Variants in SLC8A1 observed in about 807,000 individuals in gnomAD.
SLC8A1 encodes solute carrier family 8 member A1, also known as sodium/calcium exchanger 1.
SLC8A1 carries 18 observed loss-of-function variants against 68.3 expected under a neutral mutation model. That is an observed-to-expected ratio of 0.26 (90% confidence interval 0.18 to 0.39). The LOEUF is 0.39. Ranked by LOEUF, SLC8A1 falls within the 10% of genes least tolerant of loss-of-function variation. The pLI is 1.00. For synonymous variants in SLC8A1, 475 were observed against 415.5 expected (o/e 1.14, Z -1.74); for missense variants, 985 against 1,156.7 (o/e 0.85, Z 2.15).
chr2:40,203,711 GTTATT>G (rs1274875856), intron 2 of SLC8A1, among the ~76,000 whole-genome samples: 1 of 151,850 alleles, frequency 6.6e-6, no homozygotes, highest in Non-Finnish European at 1.5e-5. Flanking sequence ...TATGGTGAGG[GTTATT>G]TTATTTTGAG....
At chr2:40,223,188 A>T (rs990993196) in intron 2 of SLC8A1, among the ~76,000 whole-genome samples, 1 of 152,212 alleles carries the variant, frequency 6.6e-6, no homozygotes, top group Non-Finnish European at 1.5e-5. Flanking sequence ...ATGCAGCCAT[A>T]AAAAAGGATG....
intron 2 of SLC8A1, chr2:40,254,923 T>C (rs947474686): frequency 7.9e-5 from 12 of 152,236 alleles, no homozygotes; most frequent in Admixed American, 5.9e-4. Flanking sequence ...ACTATTTAAT[T>C]ATAAAAACAG....
intron 2 of SLC8A1, among the ~76,000 whole-genome samples, chr2:40,295,261 A>G (rs539348184): frequency 9.7e-4 from 148 of 152,000 alleles, no homozygotes; most frequent in Non-Finnish European, 9.4e-4. Context: ...CACCATGCCC[A>G]GCTAATTTTA....
At chr2:40,479,459 T>C (rs1166281135) in intron 1 of SLC8A1, among the ~76,000 whole-genome samples, 18 of 152,222 alleles carry the variant, frequency 1.2e-4, no homozygotes, top group Admixed American at 1.2e-3. Flanking sequence ...TAAACATTTT[T>C]TTAAGCTCAT....
intron 2 of SLC8A1, among the ~76,000 whole-genome samples, chr2:40,300,104 T>A (rs1346205708): frequency 4.6e-5 from 7 of 152,190 alleles, no homozygotes; most frequent in Non-Finnish European, 1.0e-4. Context: ...ATCTTCTAAG[T>A]CTGCCAACCC....
At chr2:40,205,352 C>T (rs775738265) in intron 2 of SLC8A1, among the ~76,000 whole-genome samples, 14 of 152,060 alleles carry the variant, frequency 9.2e-5, no homozygotes, top group Non-Finnish European at 1.6e-4. Context: ...TAAATGATTA[C>T]AGCTGTGGAA....
intron 2 of SLC8A1, among the ~76,000 whole-genome samples, chr2:40,326,829 A>T (rs1234671838): frequency 6.6e-6 from 1 of 152,176 alleles, no homozygotes; most frequent in Non-Finnish European, 1.5e-5. Context: ...TGATCCATTT[A>T]AATTGACGAT....
At chr2:40,428,902 G>A (rs1559643771) in exon 2 of SLC8A1, 2 of 1,613,814 alleles carry the variant, frequency 1.2e-6, no homozygotes, top group Non-Finnish European at 1.7e-6. Flanking sequence ...AGTTCCTTCA[G>A]TAAATTCATA....
chr2:40,391,116 C>T (rs986182010), intron 2 of SLC8A1, among the ~76,000 whole-genome samples: 1 of 150,816 alleles, frequency 6.6e-6, no homozygotes, highest in African/African-American at 2.4e-5. Flanking sequence ...ACTAATCCTT[C>T]CTGTTGAGCA....
At chr2:40,457,233 A>C (rs1412874909) in intron 1 of SLC8A1, among the ~76,000 whole-genome samples, 3 of 152,214 alleles carry the variant, frequency 2.0e-5, no homozygotes, top group Non-Finnish European at 4.4e-5. Context: ...ACATTGATTC[A>C]AGGACTCTTC....
intron 2 of SLC8A1, among the ~76,000 whole-genome samples, chr2:40,198,256 C>T (rs113683770): frequency 1.0e-3 from 157 of 151,956 alleles, no homozygotes; most frequent in African/African-American, 2.9e-3. Context: ...TGGAAGATAA[C>T]GGTAGCAAAA....
intron 2 of SLC8A1, among the ~76,000 whole-genome samples, chr2:40,405,532 T>C (rs1160155349): frequency 6.6e-6 from 1 of 152,236 alleles, no homozygotes; most frequent in Admixed American, 6.5e-5. Context: ...GGAGATCCCA[T>C]GCCACAATTC....
At chr2:40,365,570 T>G (rs1179644361) in intron 2 of SLC8A1, among the ~76,000 whole-genome samples, 1 of 152,108 alleles carries the variant, frequency 6.6e-6, no homozygotes, top group Non-Finnish European at 1.5e-5. Flanking sequence ...TGAATCCCAT[T>G]TGGAAGCTTT....
chr2:40,297,524 C>T (rs959044635), intron 2 of SLC8A1, among the ~76,000 whole-genome samples: 1 of 152,250 alleles, frequency 6.6e-6, no homozygotes, highest in South Asian at 2.1e-4. Flanking sequence ...ATTTAAAATG[C>T]ATTTTTTCAG....
intron 1 of SLC8A1, among the ~76,000 whole-genome samples, chr2:40,474,647 A>G (rs1704175418): frequency 6.6e-6 from 1 of 152,228 alleles, no homozygotes; most frequent in South Asian, 2.1e-4. Flanking sequence ...TGTTCTGAAT[A>G]CTTCTTAAGT....
intron 1 of SLC8A1, among the ~76,000 whole-genome samples, chr2:40,502,343 A>T (rs1270262058): frequency 6.6e-6 from 1 of 152,014 alleles, no homozygotes; most frequent in East Asian, 1.9e-4. Context: ...TCTGGTTTTC[A>T]ACCTCTGCAA....
chr2:40,319,759 T>C (rs2074959041), intron 2 of SLC8A1, among the ~76,000 whole-genome samples: 1 of 152,090 alleles, frequency 6.6e-6, no homozygotes, highest in African/African-American at 2.4e-5. Flanking sequence ...AGGACAACCA[T>C]TTTAGTAGCT....
chr2:40,239,827 G>C (rs1219721257), intron 2 of SLC8A1, among the ~76,000 whole-genome samples: 1 of 152,174 alleles, frequency 6.6e-6, no homozygotes, highest in African/African-American at 2.4e-5. Flanking sequence ...TAAAATTTCA[G>C]TATCCTCCTT....
intron 2 of SLC8A1, among the ~76,000 whole-genome samples, chr2:40,425,129 T>C (rs1696514478): frequency 6.6e-6 from 1 of 151,828 alleles, no homozygotes; most frequent in East Asian, 1.9e-4. Context: ...ATTGAGTTTA[T>C]AAAAAAGCAT....
Sources: allele counts gnomAD v4.1 joint callset (sites outside exome capture counted in the v4.1 genomes callset), GRCh38; gene constraint gnomAD v4.1.1; transcripts MANE v1.5; gene names NCBI Gene and HGNC (gene_info 2026-07-23, HGNC 2026-07-21).